TMTC2: variants seen among roughly 807,000 people sequenced by gnomAD.
TMTC2 encodes protein O-mannosyl-transferase TMTC2.
A neutral mutation model predicts 82.4 loss-of-function variants in TMTC2; 43 were observed. The observed-to-expected ratio is 0.52, with a 90% CI of 0.41 to 0.67. The LOEUF (loss-of-function observed/expected upper bound fraction) is 0.67. Ranked by LOEUF, TMTC2 falls within the 30% of genes least tolerant of loss-of-function variation. The pLI is 0.00. For missense variants in TMTC2, 919 were observed against 1,012.4 expected, an observed-to-expected ratio of 0.91 and a Z score of 1.25; for synonymous variants, 408 against 381.9, an observed-to-expected ratio of 1.07 and a Z score of -0.80.
chr12:82,775,143 G>T (rs1373480952), intron 1 of TMTC2, among the ~76,000 whole-genome samples: 2 of 151,982 alleles, frequency 1.3e-5, no homozygotes, highest in South Asian at 2.1e-4. Flanking sequence ...GGTCCTTTGT[G>T]AAATAAAGAT....
chr12:83,076,581 G>A (rs1368741788), intron 11 of TMTC2, among the ~76,000 whole-genome samples: 1 of 152,172 alleles, frequency 6.6e-6, no homozygotes, highest in Non-Finnish European at 1.5e-5. Context: ...CAGTTTGGGT[G>A]ACTAGTGGCT....
rs989730297 is a variant in TMTC2 at position 82,963,472 on chromosome 12, T to C, written c.1599-1552T>C. On this transcript the variant is annotated intron_variant, in intron 4 of 11. Transcript: ENST00000321196. ...CACCTCTTTATCTGAATTTTTTTTT[T>C]CTTTATCTGAATTTTAAAGCAAAGC... Among the ~76,000 whole-genome samples, 4 of 151,918 alleles carry C rather than the reference T, an allele frequency of 2.6e-5. No individual in the cohort carries two copies. The East Asian group carries it at 5.8e-4, about 22-fold the overall frequency.
chr12:83,126,142 GTGTT>G (rs149609583), intron 11 of TMTC2, among the ~76,000 whole-genome samples: 2,717 of 152,204 alleles, frequency 0.018, 36 homozygotes, highest in Non-Finnish European at 0.028. Flanking sequence ...TTTCAAATGA[GTGTT>G]TGGCAAGATG....
Position 83,070,435 on chromosome 12 carries a change from AT to A in TMTC2, c.2331+8615del, listed in dbSNP as rs545783619. Among the ~76,000 whole-genome samples the A allele has an allele frequency of 2.3e-3, 325 of 144,340 alleles. 1 individual carries two copies. Among genetic ancestry groups the A allele is most frequent in the African/African-American group, 6.0e-3 (238 of 39,710 alleles). The allele number at this position is 144,340 out of a possible 152,430, so 94.7% of individuals were successfully genotyped here. A position where few individuals can be genotyped will look rare whatever the true frequency, so the allele number is the denominator to read the frequency against. ...TAGATGTATTCCTAAGTATTTTATT[AT>A]TTTTTTTTTTGCAGCTATTGTAAAA... On this transcript the variant is annotated intron_variant, in intron 11 of 11. Transcript: ENST00000321196.
At chr12:83,071,507 G>A (rs1014928959) in intron 11 of TMTC2, among the ~76,000 whole-genome samples, 52 of 152,184 alleles carry the variant, frequency 3.4e-4, no homozygotes, top group African/African-American at 1.2e-3. Flanking sequence ...TTTGGTATTA[G>A]GGTTATGCTG....
chr12:82,726,311 G>A (rs1247293970), intron 1 of TMTC2, among the ~76,000 whole-genome samples: 1 of 151,880 alleles, frequency 6.6e-6, no homozygotes, highest in Admixed American at 6.6e-5. Flanking sequence ...AAAAACACAG[G>A]GTACATCATA....
At chr12:82,801,735 AT>A (rs1879014895) in intron 1 of TMTC2, among the ~76,000 whole-genome samples, 1 of 152,126 alleles carries the variant, frequency 6.6e-6, no homozygotes, top group Non-Finnish European at 1.5e-5. Flanking sequence ...CAGAGTGCCG[AT>A]TGGTGTATTC....
chr12:83,032,840 C>T (rs1260557924), intron 9 of TMTC2, among the ~76,000 whole-genome samples: 1 of 152,100 alleles, frequency 6.6e-6, no homozygotes, highest in Non-Finnish European at 1.5e-5. Context: ...GGGTTAGAGG[C>T]GTGAGCCACT....
intron 11 of TMTC2, among the ~76,000 whole-genome samples, chr12:83,099,990 G>C (rs886759730): frequency 6.6e-6 from 1 of 151,782 alleles, no homozygotes; most frequent in Non-Finnish European, 1.5e-5. Flanking sequence ...CGCAATCTCG[G>C]CTCACTGCAA....
chr12:82,816,790 T>C (rs2137056919), intron 1 of TMTC2, among the ~76,000 whole-genome samples: 1 of 152,022 alleles, frequency 6.6e-6, no homozygotes, highest in South Asian at 2.1e-4. Flanking sequence ...ATTGGAAAAA[T>C]TCAAAAAGAT....
At chr12:82,803,585 C>A (rs1457532660) in intron 1 of TMTC2, among the ~76,000 whole-genome samples, 3 of 151,998 alleles carry the variant, frequency 2.0e-5, no homozygotes, top group African/African-American at 7.2e-5. Context: ...CATTAAGAGA[C>A]AAAATGGCAA....
chr12:82,985,225 A>AT (rs1196706939), intron 7 of TMTC2, among the ~76,000 whole-genome samples: 3 of 150,830 alleles, frequency 2.0e-5, no homozygotes, highest in Non-Finnish European at 3.0e-5. Flanking sequence ...CACCCACCTA[A>AT]TTTTTTTTCA....
intron 1 of TMTC2, among the ~76,000 whole-genome samples, chr12:82,721,283 A>T (rs1592873087): frequency 6.6e-6 from 1 of 152,078 alleles, no homozygotes; most frequent in Admixed American, 6.5e-5. Context: ...TTATAAGGGG[A>T]TGCTACCTGG....
At chr12:83,028,589 G>A (rs1162356809) in intron 8 of TMTC2, among the ~76,000 whole-genome samples, 1 of 152,076 alleles carries the variant, frequency 6.6e-6, no homozygotes, top group Non-Finnish European at 1.5e-5. Context: ...AGATGAAATA[G>A]TCGCATTGCT....
chr12:82,856,449 C>A (rs1299571429), intron 1 of TMTC2, among the ~76,000 whole-genome samples: 1 of 152,200 alleles, frequency 6.6e-6, no homozygotes, highest in Non-Finnish European at 1.5e-5. Flanking sequence ...ATCAGCATCA[C>A]CTGAGAGCTA....
intron 4 of TMTC2, among the ~76,000 whole-genome samples, chr12:82,956,929 A>G (rs981246553): frequency 1.3e-5 from 2 of 152,162 alleles, no homozygotes; most frequent in Non-Finnish European, 2.9e-5. Context: ...TAGCCACACA[A>G]TAATAGTGGG....
chr12:83,002,279 G>A (rs1286917643), intron 8 of TMTC2, among the ~76,000 whole-genome samples: 1 of 152,062 alleles, frequency 6.6e-6, no homozygotes. Context: ...TCCTATTTCT[G>A]TGGGATTGGT....
At chr12:83,082,801 A>T (rs1883517790) in intron 11 of TMTC2, among the ~76,000 whole-genome samples, 1 of 152,222 alleles carries the variant, frequency 6.6e-6, no homozygotes, top group African/African-American at 2.4e-5. Context: ...TGTGGAGCAC[A>T]TAGGATTTGT....
chr12:82,735,654 T>G (rs866484028), intron 1 of TMTC2, among the ~76,000 whole-genome samples: 2 of 149,850 alleles, frequency 1.3e-5, no homozygotes, highest in African/African-American at 4.9e-5. Flanking sequence ...CCCCCTAATT[T>G]TGATTTTTTA....
Sources: allele counts gnomAD v4.1 joint callset (sites outside exome capture counted in the v4.1 genomes callset), GRCh38; gene constraint gnomAD v4.1.1; transcripts MANE v1.5; gene names NCBI Gene and HGNC (gene_info 2026-07-23, HGNC 2026-07-21).